SGF29: variants seen among roughly 807,000 people sequenced by gnomAD.
SGF29 encodes SAGA-associated factor 29.
A neutral mutation model predicts 38.1 loss-of-function variants in SGF29; 15 were observed. That is an observed-to-expected ratio of 0.39 (90% CI 0.26 to 0.61). SGF29 has a LOEUF of 0.61. Ranked by LOEUF, SGF29 falls within the 20% of genes least tolerant of loss-of-function variation. SGF29 has a pLI of 0.49. For missense variants in SGF29, 184 were observed against 394.6 expected (o/e 0.47, Z 4.52); for synonymous variants, 151 against 160.8 (o/e 0.94, Z 0.46).
chr16:28,581,049 C>G lies in SGF29; in HGVS notation c.-15-6C>G. The G allele has an allele frequency of 1.2e-6, 2 of 1,610,548 alleles. No homozygotes were observed. Among genetic ancestry groups the G allele is most frequent in the East Asian group, 2.2e-5 (1 of 44,860 alleles). On this transcript the variant is annotated splice_region_variant and splice_polypyrimidine_tract_variant and intron_variant, in intron 1 of 9. Coordinates refer to ENST00000317058, the MANE Select transcript of SGF29 (RefSeq NM_138414.3). Reference sequence around the variant, plus strand: ...GAGTTCTCTTCTGTCCTCGCTCCCCCACCAGGTGCCCCTGTAGACAATGGC... The same window carrying G: ...GAGTTCTCTTCTGTCCTCGCTCCCCGACCAGGTGCCCCTGTAGACAATGGC...
At chr16:28,581,918 C>CAA (rs201203626) in intron 2 of SGF29, among the ~76,000 whole-genome samples, 73 of 137,252 alleles carry the variant, frequency 5.3e-4, no homozygotes, top group East Asian at 1.6e-3. Flanking sequence ...GACTCCATCT[C>CAA]AAAAAAAAAA....
intron 1 of SGF29, among the ~76,000 whole-genome samples, chr16:28,578,566 A>G (rs1219307022): frequency 6.6e-6 from 1 of 152,114 alleles, no homozygotes; most frequent in East Asian, 1.9e-4. Context: ...AGCATGTAAG[A>G]AGATATGAAT....
intron 1 of SGF29, among the ~76,000 whole-genome samples, chr16:28,555,505 C>T (rs1239570279): frequency 6.6e-6 from 1 of 152,040 alleles, no homozygotes; most frequent in Non-Finnish European, 1.5e-5. Context: ...GGAAGAAAAT[C>T]CACATATAAG....
chr16:28,590,974 A>C lies in SGF29; in HGVS notation c.765+39A>C. On this transcript the variant is annotated intron_variant, in intron 9 of 9. Coordinates refer to ENST00000317058, the MANE Select transcript of SGF29 (RefSeq NM_138414.3). This position sits in a 1 kb window ranked among gnomAD's most constrained non-coding sequence, Gnocchi z 8.2. ...CAGGGGAGAGGCCATGGGTGATGTC[A>C]GGAACAGGCTGATCAGACAGACGAG... is the stretch of plus-strand genomic sequence containing the variant. 1 of 1,563,568 alleles carries C rather than the reference A, an allele frequency of 6.4e-7. No homozygotes were observed. Among genetic ancestry groups the C allele is most frequent in the Non-Finnish European group, 8.7e-7 (1 of 1,151,892 alleles).
intron 5 of SGF29, 135 bp downstream of exon 5, chr16:28,589,299 G>A: frequency 1.2e-6 from 1 of 829,588 alleles, no homozygotes. Flanking sequence ...TGGCAGACTG[G>A]CTCTACCACT....
Position 28,581,068 on chromosome 16 carries a change from C to T in SGF29, c.-2C>T. ...CTCCCCCACCAGGTGCCCCTGTAGA[C>T]AATGGCCCTCGTGTCTGCCGATTCC... is the stretch of plus-strand genomic sequence containing the variant. On this transcript the variant is annotated 5_prime_UTR_variant, in exon 2 of 10. Transcript: ENST00000317058. 5.0e-6 allele frequency: 8 copies of T among 1,613,720 alleles called. No individual in the cohort carries two copies. The highest frequency in any genetic ancestry group is 5.9e-6 in the Non-Finnish European group (7 of 1,179,818).
intron 1 of SGF29, among the ~76,000 whole-genome samples, chr16:28,573,022 C>T (rs981882403): frequency 2.0e-5 from 3 of 152,208 alleles, no homozygotes; most frequent in South Asian, 2.1e-4. Context: ...TTGCCTCCCC[C>T]TCCTGTGTGT....
In SGF29 at chr16:28,564,882, G is replaced by C. The variant is rs1167497279; in HGVS notation, c.-16+10785G>C. Among the ~76,000 whole-genome samples the C allele has an allele frequency of 4.0e-5, 6 of 150,094 alleles. No individual in the cohort carries two copies. The Admixed American group carries it at 4.0e-4, about 10-fold the overall frequency. On this transcript the variant is annotated intron_variant, in intron 1 of 9. Transcript: ENST00000317058. ...GATTACAAGGTGAAATCCCATGATA[G>C]GCCATCAGCAAGCTGAGGAAAGAGA...
At chr16:28,564,666 CATATATATGTATATATATGTGT>C (rs2046818404) in intron 1 of SGF29, among the ~76,000 whole-genome samples, 10 of 61,588 alleles carry the variant, frequency 1.6e-4, no homozygotes, top group African/African-American at 3.2e-4. Flanking sequence ...TATATATATG[CATATATATGTATATATATGTGT>C]ATATATATGT....
chr16:28,587,922 C>T lies in SGF29; in HGVS notation c.225-1178C>T, dbSNP rs1222662741. The stretch of plus-strand genomic sequence containing the variant: ...TCAAGCGATTCTCTTGCCTCAGCCT[C>T]CCAAGTAGCTGGGATTATAGACGCC... On this transcript the variant is annotated intron_variant, in intron 4 of 9. Transcript: ENST00000317058. Among the ~76,000 whole-genome samples the T allele has an allele frequency of 2.0e-5, 3 of 152,132 alleles. No homozygotes were observed. In the East Asian group the frequency reaches 5.8e-4, roughly 29 times the overall value.
intron 1 of SGF29, among the ~76,000 whole-genome samples, chr16:28,575,294 A>G (rs1271567542): frequency 6.6e-6 from 1 of 152,248 alleles, no homozygotes; most frequent in African/African-American, 2.4e-5. Context: ...AGTGTCGTAC[A>G]TGTGGGACAA....
In SGF29 at chr16:28,590,690, G is replaced by A. The variant is rs1257431479; in HGVS notation, c.602+24G>A. 1.9e-6 allele frequency: 3 copies of A among 1,614,094 alleles called. No individual in the cohort carries two copies. Among genetic ancestry groups the A allele is most frequent in the African/African-American group, 1.3e-5 (1 of 75,038 alleles). On this transcript the variant is annotated intron_variant, in intron 8 of 9. Coordinates refer to ENST00000317058, the MANE Select transcript of SGF29 (RefSeq NM_138414.3). This position sits in a 1 kb window ranked among gnomAD's most constrained non-coding sequence, Gnocchi z 8.2. ...GAGTGAGTGTCCAGGCCAGGGCAGG[G>A]CATGGAGCCTGGGGGCAGCCTAACA...
chr16:28,585,604 GC>G, intron 3 of SGF29, 43 bp from the exon 4 acceptor site: 1 of 1,520,464 alleles, frequency 6.6e-7, no homozygotes, highest in Non-Finnish European at 9.1e-7. Context: ...ATGCTACTGT[GC>G]CTGCCCTGGC....
In SGF29 at chr16:28,590,061, T is replaced by G. The variant is rs1320598052; in HGVS notation, c.290-35T>G. ...GCTCGGGGGTCAAGGCCGGCACCTATCCCTGGGGCCTCAGGCCTCCCTTCC... is the reference window on the plus strand; with the variant it reads ...GCTCGGGGGTCAAGGCCGGCACCTAGCCCTGGGGCCTCAGGCCTCCCTTCC... On this transcript the variant is annotated intron_variant, in intron 5 of 9. Coordinates refer to ENST00000317058, the MANE Select transcript of SGF29 (RefSeq NM_138414.3). This position sits in a 1 kb window ranked among gnomAD's most constrained non-coding sequence, Gnocchi z 8.2. The G allele has an allele frequency of 6.3e-7, 1 of 1,598,062 alleles. No homozygotes were observed.
chr16:28,586,197 C>G (rs2046955224), intron 4 of SGF29, among the ~76,000 whole-genome samples: 1 of 151,944 alleles, frequency 6.6e-6, no homozygotes. Flanking sequence ...ACTCAGATGA[C>G]CTGAAGGTTT....
chr16:28,569,972 C>A (rs2151646073), intron 1 of SGF29, among the ~76,000 whole-genome samples: 1 of 152,330 alleles, frequency 6.6e-6, no homozygotes, highest in African/African-American at 2.4e-5. Context: ...GCATGGCTAC[C>A]CCCACCTAGA....
chr16:28,567,973 C>G (rs1330215841), intron 1 of SGF29, among the ~76,000 whole-genome samples: 2 of 151,878 alleles, frequency 1.3e-5, no homozygotes, highest in East Asian at 3.9e-4. Context: ...TTGTTACAAG[C>G]AGATTTTTAA....
At chr16:28,582,043 G>A (rs1398299229) in intron 2 of SGF29, among the ~76,000 whole-genome samples, 1 of 152,068 alleles carries the variant, frequency 6.6e-6, no homozygotes, top group Non-Finnish European at 1.5e-5. Context: ...TTTTGCCCAC[G>A]ATACTCAGGG....
At chr16:28,556,511 T>C (rs1358390942) in intron 1 of SGF29, among the ~76,000 whole-genome samples, 1 of 152,098 alleles carries the variant, frequency 6.6e-6, no homozygotes, top group African/African-American at 2.4e-5. Flanking sequence ...CCACACCCGA[T>C]TAATTTTGTA....
Sources: gnomAD v4.1 joint callset for allele counts (sites outside exome capture counted in the v4.1 genomes callset) on GRCh38, gnomAD v4.1.1 for gene constraint, Gnocchi (gnomAD v3.1) non-coding constraint, MANE v1.5 for transcripts, NCBI Gene and HGNC (gene_info 2026-07-23, HGNC 2026-07-21) for gene names.